The following NCOR2 variants were observed in gnomAD, a reference collection of about 807,000 sequenced individuals.
NCOR2 encodes CTG repeat protein 26.
In NCOR2, 81 loss-of-function variants were observed where a neutral mutation model predicts 262.9. The ratio of observed to expected loss-of-function variants is 0.31; its 90% CI spans 0.26 to 0.37. NCOR2 has a LOEUF of 0.37. NCOR2 is among the 10% of genes least tolerant of loss of function. The probability of loss-of-function intolerance (pLI) is 1.00; values close to 1 mark genes in which losing one functional copy is unlikely to be tolerated. For synonymous variants in NCOR2, 1,659 were observed against 1,559.3 expected (o/e 1.06, Z -1.51); for missense variants, 3,385 against 3,621.4 (o/e 0.93, Z 1.68).
In NCOR2 at chr12:124,503,669, T is replaced by TG. The variant is rs1566005130; in HGVS notation, c.-117-8302dup. On this transcript the variant is annotated intron_variant, in intron 1 of 46. Transcript: ENST00000404621. The surrounding 1 kb of genome is among the most constrained non-coding windows in gnomAD (Gnocchi z 4.3). The stretch of plus-strand genomic sequence containing the variant: ...ATGGATGGATGGATGGATGGACGGG[T>TG]GAATGGATGGATGGATGGATGGATG... 3.5e-4 allele frequency among the ~76,000 whole-genome samples: 40 copies of TG among 115,166 alleles called. No individual in the cohort carries two copies. Among genetic ancestry groups the TG allele is most frequent in the African/African-American group, 6.8e-4 (16 of 23,380 alleles). The allele number at this position is 115,166 out of a possible 152,430, so 75.6% of individuals were successfully genotyped here.
In NCOR2 at chr12:124,454,482, C is replaced by G. The variant is rs1164287860; in HGVS notation, c.762+2624G>C. Reference sequence around the variant, plus strand: ...GACACCAGCAGCTGCCCACCCCCATCTGCCCACAGACTCCCACGGACAGGG... The same window carrying G: ...GACACCAGCAGCTGCCCACCCCCATGTGCCCACAGACTCCCACGGACAGGG... On this transcript the variant is annotated intron_variant, in intron 6 of 46. Transcript: ENST00000405201. This position sits in a 1 kb window ranked among gnomAD's most constrained non-coding sequence, Gnocchi z 5.6. Among the ~76,000 whole-genome samples, 1 of 152,200 alleles carries G rather than the reference C, an allele frequency of 6.6e-6. No individual in the cohort carries two copies. Among genetic ancestry groups the G allele is most frequent in the Non-Finnish European group, 1.5e-5 (1 of 68,034 alleles).
At chr12:124,458,421 G>A (rs556424309) in intron 5 of NCOR2, among the ~76,000 whole-genome samples, 5 of 152,262 alleles carry the variant, frequency 3.3e-5, no homozygotes, top group East Asian at 1.9e-4. Flanking sequence ...AGCTGCCTCC[G>A]CCTACAGCCC....
chr12:124,366,401 A>G (rs2039039192), intron 20 of NCOR2, among the ~76,000 whole-genome samples: 1 of 152,234 alleles, frequency 6.6e-6, no homozygotes, highest in Admixed American at 6.5e-5. Context: ...CATCGGGGAC[A>G]GAAAGGAGAT....
At chr12:124,365,680 C>T (rs1438555407) in intron 20 of NCOR2, among the ~76,000 whole-genome samples, 3 of 152,134 alleles carry the variant, frequency 2.0e-5, no homozygotes. Flanking sequence ...ACCCTGACTT[C>T]TGCATGCACC....
chr12:124,362,255 G>C (rs1356554813), exon 22 of NCOR2: 1 of 1,317,384 alleles, frequency 7.6e-7, no homozygotes, highest in Non-Finnish European at 9.7e-7. Flanking sequence ...GGCTTGGTGG[G>C]AGCTGCGTCC....
chr12:124,382,207 ACCTCT>A (rs2040460984), intron 17 of NCOR2, among the ~76,000 whole-genome samples: 1 of 152,096 alleles, frequency 6.6e-6, no homozygotes, highest in South Asian at 2.1e-4. Context: ...GTTCAGCGGC[ACCTCT>A]CCTGGTGAGA....
Position 124,340,584 on chromosome 12 carries a change from A to G in NCOR2, c.5338+18T>C. ...ATGGATGCCGGGGTCCCCACCCCAG[A>G]CTGGGCAGTGGCGCTACCTGGGGAG... On this transcript the variant is annotated intron_variant, in intron 35 of 46. Transcript: ENST00000405201. 3 of 1,509,414 alleles carry G rather than the reference A, an allele frequency of 2.0e-6. No individual in the cohort carries two copies. Among genetic ancestry groups the G allele is most frequent in the Non-Finnish European group, 2.6e-6 (3 of 1,133,722 alleles). 93.5% of individuals were successfully genotyped at this position (1,509,414 alleles called of 1,614,324 possible).
chr12:124,520,063 C>A (rs368859937), intron 1 of NCOR2, among the ~76,000 whole-genome samples: 3 of 152,208 alleles, frequency 2.0e-5, no homozygotes, highest in African/African-American at 4.8e-5. Context: ...GGGGCCCAGA[C>A]TGGCCACGAG....
At chr12:124,487,572 C>T (rs1185367165) in intron 1 of NCOR2, among the ~76,000 whole-genome samples, 1 of 152,252 alleles carries the variant, frequency 6.6e-6, no homozygotes, top group Non-Finnish European at 1.5e-5. Context: ...ACCCCCCACC[C>T]TCAAGCGCTC....
intron 1 of NCOR2, among the ~76,000 whole-genome samples, chr12:124,532,007 G>A (rs111832032): frequency 0.036 from 5,526 of 152,112 alleles, 311 homozygotes; most frequent in African/African-American, 0.12. Context: ...AGAGTGTACC[G>A]CTGGGAGCCT....
At chr12:124,449,973 G>C in intron 6 of NCOR2, 106 bp from the exon 9 acceptor site, 1 of 1,172,728 alleles carries the variant, frequency 8.5e-7, no homozygotes, top group Non-Finnish European at 1.2e-6. Flanking sequence ...TGTCCTCTGG[G>C]TGAGGGCTCA....
exon 20 of NCOR2, chr12:124,372,485 G>A: frequency 6.4e-7 from 1 of 1,558,640 alleles, no homozygotes; most frequent in Non-Finnish European, 8.6e-7. Context: ...GGGGTGGGTG[G>A]CCCTGGGGGT....
intron 5 of NCOR2, among the ~76,000 whole-genome samples, chr12:124,461,947 CT>C (rs749499017): frequency 9.2e-5 from 14 of 152,196 alleles, no homozygotes; most frequent in Non-Finnish European, 1.5e-4. Flanking sequence ...CTCATATACG[CT>C]TATACACATG....
intron 15 of NCOR2, 152 bp from the exon 18 acceptor site, chr12:124,398,333 G>A: frequency 1.3e-6 from 1 of 758,418 alleles, no homozygotes; most frequent in South Asian, 1.6e-5. Context: ...CCACATTTCA[G>A]ACGCCCCTCC....
At chr12:124,528,606 G>T (rs2050607954) in intron 1 of NCOR2, among the ~76,000 whole-genome samples, 1 of 152,202 alleles carries the variant, frequency 6.6e-6, no homozygotes, top group Non-Finnish European at 1.5e-5. Context: ...AGTGCCAAAG[G>T]ACAGTGCTTG....
intron 3 of NCOR2, among the ~76,000 whole-genome samples, chr12:124,478,127 ACCTGGAGGAAGG>A (rs2047208020): frequency 6.6e-6 from 1 of 152,136 alleles, no homozygotes; most frequent in Non-Finnish European, 1.5e-5. Context: ...CTGGCCTTGA[ACCTGGAGGAAGG>A]CCTGGAGTCA....
At chr12:124,539,362 T>TCAGGCC (rs2051220041), upstream of NCOR2, 1 of 152,872 alleles carries the variant, frequency 6.5e-6, no homozygotes, top group South Asian at 2.1e-4. The surrounding 1 kb of genome is among the most constrained non-coding windows in gnomAD (Gnocchi z 5.1). Context: ...ACATTCCAGC[T>TCAGGCC]CAGGCCCAGG....
chr12:124,510,664 G>C (rs767132228), intron 1 of NCOR2, among the ~76,000 whole-genome samples: 2 of 152,242 alleles, frequency 1.3e-5, no homozygotes, highest in Non-Finnish European at 2.9e-5. Context: ...GCTTAGGTTA[G>C]AGGAGACTGT....
At chr12:124,357,081 C>T (rs1250498785) in intron 22 of NCOR2, among the ~76,000 whole-genome samples, 1 of 152,266 alleles carries the variant, frequency 6.6e-6, no homozygotes, top group African/African-American at 2.4e-5. Flanking sequence ...CAACCAAGCC[C>T]AGCAAGCCAA....
Sources: gnomAD v4.1 joint callset for allele counts (sites outside exome capture counted in the v4.1 genomes callset) on GRCh38, gnomAD v4.1.1 for gene constraint, Gnocchi (gnomAD v3.1) non-coding constraint, MANE v1.5 for transcripts, NCBI Gene and HGNC (gene_info 2026-07-23, HGNC 2026-07-21) for gene names.